Variants in MACF1 observed in about 807,000 individuals in gnomAD.
MACF1 encodes microtubule-actin cross-linking factor 1.
MACF1 carries 193 observed loss-of-function variants against 854.8 expected under a neutral mutation model. The ratio of observed to expected loss-of-function variants is 0.23; its 90% CI spans 0.20 to 0.25. The LOEUF is 0.25. MACF1 is among the 10% of genes least tolerant of loss of function. MACF1 has a pLI of 1.00. For synonymous variants in MACF1, 3,185 were observed against 3,226.7 expected (o/e 0.99, Z 0.44); for missense variants, 7,722 against 8,929.1 (o/e 0.86, Z 5.45).
In MACF1 at chr1:39,480,964, A is replaced by C; in HGVS notation, c.22215A>C (p.Val7405=). Residue 7405 remains valine (V), a synonymous_variant, in exon 99 of 101, where the codon GTA becomes GTC. Coordinates refer to ENST00000564288, the MANE Select transcript of MACF1 (RefSeq NM_001394062.1). The part of the protein sequence containing the change: ...FSRCYDKPWL[V]NSKAGTPIRD... The stretch of plus-strand genomic sequence containing the variant: ...GCTGTTATGACAAACCCTGGTTGGT[A>C]AACAGTAAAGCTGGCACCCCTATCA... The C allele has an allele frequency of 6.4e-7, 1 of 1,550,948 alleles. No homozygotes were observed. Among genetic ancestry groups the C allele is most frequent in the Non-Finnish European group, 8.7e-7 (1 of 1,147,056 alleles).
rs184307531 is a variant in MACF1, at chr1:39,238,718, C to T, written c.171+7475C>T. Among the ~76,000 whole-genome samples the T allele has an allele frequency of 9.2e-5, 14 of 152,300 alleles. 1 individual carries two copies. Among genetic ancestry groups the T allele is most frequent in the Admixed American group, 9.2e-4 (14 of 15,290 alleles). On this transcript the variant is annotated intron_variant, in intron 2 of 100. Transcript: ENST00000564288. ...TCATAGCATTGTTAGAAATTGGAGG[C>T]CAGCCAAAGCTTTTCTTAAATCCTT...
chr1:39,292,987 T>TAAGTGATATG, intron 17 of MACF1, 144 bp downstream of exon 17: 2 of 611,484 alleles, frequency 3.3e-6, no homozygotes, highest in Non-Finnish European at 5.7e-6. Flanking sequence ...ATGCACTTAT[T>TAAGTGATATG]CATATCTATT....
At position 39,332,136 on chromosome 1, in the gene MACF1, G is replaced by A. The variant is rs144316889; in HGVS notation, c.5548G>A (p.Gly1850Arg). 41 of 1,613,928 alleles carry A rather than the reference G, an allele frequency of 2.5e-5. No homozygotes were observed. Among genetic ancestry groups the A allele is most frequent in the Middle Eastern group, 1.6e-4 (1 of 6,084 alleles). ...TCTGGAGTCCCTCTGGTCATTCATG[G>A]GGTTGCTGTGGCCTGAATCTGGAGA... is the stretch of plus-strand genomic sequence containing the variant. ...VILESLWSFM[G>R]LLWPESGEIL... Residue 1850 changes from glycine (G) to arginine (R), a missense_variant, in exon 37 of 101, where the codon GGG becomes AGG. This residue lies in a region of MACF1 where 1,531 missense variants were observed against 1,601.6 expected (regional missense o/e 0.96). Transcript: ENST00000564288.
intron 15 of MACF1, among the ~76,000 whole-genome samples, chr1:39,290,843 AT>A (rs111684577): frequency 0.065 from 9,183 of 140,618 alleles, 363 homozygotes; most frequent in African/African-American, 0.12. Context: ...AATTTTTTGT[AT>A]TTTTTTTTTT....
At chr1:39,327,096 C>T in intron 35 of MACF1, 122 bp from the exon 36 acceptor site, 1 of 975,674 alleles carries the variant, frequency 1.0e-6, no homozygotes, top group African/African-American at 1.6e-5. Context: ...GCCAAAGTCT[C>T]CGATGAATAT....
At chr1:39,478,284 T>G (rs1455223350) in intron 97 of MACF1, among the ~76,000 whole-genome samples, 1 of 152,208 alleles carries the variant, frequency 6.6e-6, no homozygotes, top group East Asian at 1.9e-4. Context: ...ATTACAGACA[T>G]GAGCCACTTC....
intron 6 of MACF1, among the ~76,000 whole-genome samples, chr1:39,270,257 A>C (rs1369218692): frequency 2.6e-5 from 4 of 152,212 alleles, no homozygotes; most frequent in Admixed American, 2.6e-4. Context: ...GTATTTGTAT[A>C]GGTGGAGAGG....
chr1:39,225,751 G>A (rs1644709567), intron 1 of MACF1, among the ~76,000 whole-genome samples: 1 of 151,976 alleles, frequency 6.6e-6, no homozygotes, highest in African/African-American at 2.4e-5. Context: ...CTCACATAAG[G>A]GTACTTTCTG....
chr1:39,331,254 C>T lies in MACF1; in HGVS notation c.4666C>T (p.Pro1556Ser). The T allele has an allele frequency of 5.6e-6, 9 of 1,595,906 alleles. No individual in the cohort carries two copies. Among genetic ancestry groups the T allele is most frequent in the Non-Finnish European group, 7.7e-6 (9 of 1,172,870 alleles). ...TGACCTAGGCACAGTGGAGATATTT[C>T]CCATCTTCAAAGCCATGCAAAAGGG... Reference protein sequence around the residue: ...VIDLGTVEIFPIFKAMQKGLL... With the variant: ...VIDLGTVEIFSIFKAMQKGLL... The change falls in exon 37 of 101, where the codon CCC (proline) becomes TCC (serine). Residue 1556 changes from proline (P) to serine (S), a missense_variant. Pro to Ser is a moderately conservative substitution (Grantham distance 74). Around this residue, in one of 15 missense-constraint regions of MACF1, gnomAD observed 1,531 missense variants for 1,601.6 expected, o/e 0.96. Transcript: ENST00000564288.
chr1:39,280,526 G>A (rs1397082801), intron 6 of MACF1, among the ~76,000 whole-genome samples: 1 of 152,028 alleles, frequency 6.6e-6, no homozygotes, highest in Non-Finnish European at 1.5e-5. Context: ...GGGGAGATAA[G>A]ATTAAATATA....
chr1:39,201,450 T>G (rs1644388855), upstream of MACF1, among the ~76,000 whole-genome samples: 1 of 152,102 alleles, frequency 6.6e-6, no homozygotes, highest in Non-Finnish European at 1.5e-5. Flanking sequence ...CCTCCTGGAT[T>G]CAAGCGATTC....
chr1:39,406,095 G>GAA (rs1482868534), intron 58 of MACF1, among the ~76,000 whole-genome samples: 6 of 152,162 alleles, frequency 3.9e-5, no homozygotes, highest in Non-Finnish European at 7.3e-5. Context: ...AAAGAGCAAA[G>GAA]CACTCAGAAA....
intron 95 of MACF1, among the ~76,000 whole-genome samples, chr1:39,467,316 G>A (rs1049958690): frequency 6.6e-6 from 1 of 152,120 alleles, no homozygotes; most frequent in Non-Finnish European, 1.5e-5. Flanking sequence ...AATGAGCCAA[G>A]ATCGCGCCAC....
chr1:39,373,727 C>T (rs1649460194), intron 52 of MACF1, among the ~76,000 whole-genome samples: 1 of 151,284 alleles, frequency 6.6e-6, no homozygotes, highest in Non-Finnish European at 1.5e-5. Flanking sequence ...GTGGCTTGTG[C>T]CTGTAATCCC....
intron 2 of MACF1, among the ~76,000 whole-genome samples, chr1:39,089,404 C>T (rs1178942436): frequency 6.6e-6 from 1 of 152,212 alleles, no homozygotes; most frequent in African/African-American, 2.4e-5. Flanking sequence ...GCAAATGCTG[C>T]TGAAATAATC....
intron 58 of MACF1, among the ~76,000 whole-genome samples, chr1:39,403,547 T>C (rs1459764321): frequency 1.3e-5 from 2 of 152,218 alleles, no homozygotes; most frequent in Non-Finnish European, 2.9e-5. Context: ...TGTTGTTTTA[T>C]AATAAGTACT....
At chr1:39,390,967 T>C (rs779452383) in intron 58 of MACF1, among the ~76,000 whole-genome samples, 1 of 151,642 alleles carries the variant, frequency 6.6e-6, no homozygotes, top group Admixed American at 6.6e-5. Flanking sequence ...AAAAATTAGC[T>C]GGGTATGGTG....
intron 51 of MACF1, among the ~76,000 whole-genome samples, chr1:39,370,814 T>C (rs1216334212): frequency 6.6e-6 from 1 of 152,118 alleles, no homozygotes; most frequent in Non-Finnish European, 1.5e-5. Context: ...ACAGTGCCCA[T>C]GGTGTTTTAA....
At chr1:39,414,245 C>G (rs781590150) in intron 58 of MACF1, 56 of 1,613,948 alleles carry the variant, frequency 3.5e-5, no homozygotes, top group Non-Finnish European at 4.5e-5. Flanking sequence ...GCTGCAGTGC[C>G]TCCTATGGAG....
Sources: allele counts gnomAD v4.1 joint callset (sites outside exome capture counted in the v4.1 genomes callset), GRCh38; gene constraint gnomAD v4.1.1; regional missense constraint gnomAD v4.1.1; transcripts MANE v1.5; gene names NCBI Gene and HGNC (gene_info 2026-07-23, HGNC 2026-07-21).